The following RYR1 variants were observed in gnomAD, a reference collection of about 807,000 sequenced individuals.
RYR1 encodes ryanodine receptor 1.
Under a neutral mutation model 583.5 loss-of-function variants are expected in RYR1, and 342 were observed. The observed-to-expected ratio is 0.59, with a 90% CI of 0.54 to 0.64. The LOEUF (loss-of-function observed/expected upper bound fraction) is 0.64. Ranked by LOEUF, RYR1 falls within the 30% of genes least tolerant of loss-of-function variation. The pLI is 0.00. For synonymous variants in RYR1, 2,791 were observed against 2,822.5 expected (o/e 0.99, Z 0.35); for missense variants, 6,032 against 6,917.2 (o/e 0.87, Z 4.54).
At position 38,512,147 on chromosome 19, in the gene RYR1, A is replaced by C; in HGVS notation, c.9233+15A>C. The C allele has an allele frequency of 6.2e-7, 1 of 1,614,108 alleles. No individual in the cohort carries two copies. The highest frequency in any genetic ancestry group is 1.1e-5 in the South Asian group (1 of 91,084). Reference sequence around the variant, plus strand: ...CTGGATGCCAGGTAGGGCCATAGGCAGTGGCGCCCACTCCCACCATCATCG... The same window carrying C: ...CTGGATGCCAGGTAGGGCCATAGGCCGTGGCGCCCACTCCCACCATCATCG... On this transcript the variant is annotated intron_variant, in intron 62 of 105. Coordinates refer to ENST00000359596, the MANE Select transcript of RYR1 (RefSeq NM_000540.3). This position sits in a 1 kb window ranked among gnomAD's most constrained non-coding sequence, Gnocchi z 5.1.
intron 11 of RYR1, among the ~76,000 whole-genome samples, chr19:38,449,570 G>C (rs145971928): frequency 6.6e-6 from 1 of 152,212 alleles, no homozygotes; most frequent in Admixed American, 6.5e-5. Flanking sequence ...GAGTACCCGC[G>C]TTGTTCTGGT....
intron 91 of RYR1, 34 bp from the exon 92 acceptor site, chr19:38,566,877 G>A (rs1973462568): frequency 3.2e-6 from 5 of 1,585,608 alleles, no homozygotes; most frequent in Non-Finnish European, 4.3e-6. Context: ...CGCTTAGGGT[G>A]AGGACTCAGC....
chr19:38,541,379 A>T (rs1181679043), intron 84 of RYR1, among the ~76,000 whole-genome samples: 2 of 152,204 alleles, frequency 1.3e-5, no homozygotes, highest in African/African-American at 4.8e-5. Context: ...GAATAGGTGA[A>T]TATAATTTCA....
intron 18 of RYR1, among the ~76,000 whole-genome samples, 160 bp from the exon 19 acceptor site, chr19:38,458,986 C>T (rs1157225078): frequency 6.6e-6 from 1 of 152,188 alleles, no homozygotes; most frequent in Admixed American, 6.5e-5. Flanking sequence ...TGACCTCTGC[C>T]CTTCATTTCA....
At chr19:38,504,528 AAG>A (rs775693966) in intron 50 of RYR1, among the ~76,000 whole-genome samples, 168 bp downstream of exon 50, 1 of 151,902 alleles carries the variant, frequency 6.6e-6, no homozygotes, top group East Asian at 1.9e-4. Flanking sequence ...GAGGTTATGA[AAG>A]AGGGGGTGGA....
chr19:38,578,139 C>G lies in RYR1; in HGVS notation c.14304-5C>G. On this transcript the variant is annotated splice_region_variant and splice_polypyrimidine_tract_variant and intron_variant, in intron 98 of 105. Coordinates refer to ENST00000359596, the MANE Select transcript of RYR1 (RefSeq NM_000540.3). ...AAGCATCTCTCCCCACCCCCGCCCC[C>G]ACAGGCTCATGTCCATCGATGTCAA... 6.2e-7 allele frequency: 1 copy of G among 1,613,592 alleles called. No individual in the cohort carries two copies.
chr19:38,534,857 C>T (rs1971897107), intron 79 of RYR1, 38 bp downstream of exon 79: 1 of 1,577,456 alleles, frequency 6.3e-7, no homozygotes, highest in Non-Finnish European at 8.6e-7. Flanking sequence ...TCCGAGTGCA[C>T]TCATCCTAAC....
intron 24 of RYR1, 79 bp from the exon 25 acceptor site, chr19:38,467,531 C>T: frequency 1.4e-6 from 2 of 1,477,206 alleles, no homozygotes; most frequent in South Asian, 2.3e-5. Flanking sequence ...CCCCCAAAGC[C>T]TGTCTTCTAC....
chr19:38,508,109 GGAA>G (rs1970561967), intron 58 of RYR1, among the ~76,000 whole-genome samples: 1 of 152,166 alleles, frequency 6.6e-6, no homozygotes, highest in Admixed American at 6.5e-5. Flanking sequence ...CAGTGTTATG[GGAA>G]GAAGAAAACA....
chr19:38,463,146 C>CG lies in RYR1; in HGVS notation c.2578-277_2578-276insG, dbSNP rs1568457782. 6.5e-5 allele frequency among the ~76,000 whole-genome samples: 4 copies of CG among 61,520 alleles called. 1 individual carries two copies. Among genetic ancestry groups the CG allele is most frequent in the Non-Finnish European group, 1.8e-4 (4 of 22,780 alleles). The allele number at this position is 61,520 out of a possible 152,430, so 40.4% of individuals were successfully genotyped here. On this transcript the variant is annotated intron_variant, in intron 20 of 105. Transcript: ENST00000359596. ...CTCCTGACCTCAGGCGATCTGCCCC[C>CG]CCCCCCCCCACTTAGCCTCCCAAAG...
At chr19:38,495,951 T>C (rs1216854490) in intron 39 of RYR1, among the ~76,000 whole-genome samples, 1 of 151,982 alleles carries the variant, frequency 6.6e-6, no homozygotes, top group Non-Finnish European at 1.5e-5. Context: ...TTAGTAGAAA[T>C]GGGGTTTCAC....
chr19:38,448,451 G>C lies in RYR1; in HGVS notation c.897G>C (p.Val299=), dbSNP rs76854339. ...YLALTEDQGL[V]VVDASKAHTK... ...CGCTCACCGAGGACCAGGGCCTGGTGGTGGTTGACGCCAGCAAGGCTCACA... is the reference window on the plus strand; with the variant it reads ...CGCTCACCGAGGACCAGGGCCTGGTCGTGGTTGACGCCAGCAAGGCTCACA... The change falls in exon 10 of 106, where the codon GTG becomes GTC. Residue 299 remains valine (V), a synonymous_variant. Transcript: ENST00000359596. 1.3e-3 allele frequency: 2,065 copies of C among 1,613,854 alleles called. 26 individuals are homozygous for C. The African/African-American group carries it at 0.025, about 19-fold the overall frequency.
At chr19:38,526,486 G>C (rs1285175348) in intron 71 of RYR1, among the ~76,000 whole-genome samples, 1 of 151,854 alleles carries the variant, frequency 6.6e-6, no homozygotes, top group Non-Finnish European at 1.5e-5. Flanking sequence ...CAGGACGCCA[G>C]AGAGCCCTCC....
chr19:38,495,399 G>A (rs1262054529), intron 39 of RYR1, among the ~76,000 whole-genome samples: 4 of 152,164 alleles, frequency 2.6e-5, no homozygotes, highest in Non-Finnish European at 5.9e-5. Flanking sequence ...AGGCTAGAGT[G>A]CAGTGGCCCA....
chr19:38,512,244 G>C lies in RYR1; in HGVS notation c.9234-1G>C, dbSNP rs1970762402. 6.2e-7 allele frequency: 1 copy of C among 1,614,194 alleles called. No homozygotes were observed. Among genetic ancestry groups the C allele is most frequent in the East Asian group, 2.2e-5 (1 of 44,884 alleles). ...CTGATGTTCCCCCGCTGCCCTTCTAGGACAGTGATGAAGTCAGGCCCTGAG... is the reference window on the plus strand; with the variant it reads ...CTGATGTTCCCCCGCTGCCCTTCTACGACAGTGATGAAGTCAGGCCCTGAG... On this transcript the variant is annotated splice_acceptor_variant, in intron 62 of 105. Transcript: ENST00000359596. LOFTEE classifies it high-confidence loss of function. This position sits in a 1 kb window ranked among gnomAD's most constrained non-coding sequence, Gnocchi z 5.1.
In RYR1 at chr19:38,523,269, T is replaced by C; in HGVS notation, c.10400T>C (p.Met3467Thr). Residue 3467 changes from methionine to threonine, a missense_variant, in exon 69 of 106, where the codon ATG becomes ACG. This residue lies in a region of RYR1 where 1,493 missense variants were observed against 1,715.5 expected (regional missense o/e 0.87). Coordinates refer to ENST00000359596, the MANE Select transcript of RYR1 (RefSeq NM_000540.3). ...GTGGTCCAGAATGAGATCAACAACA[T>C]GTCCTTCCTGACTGCTGACAACAAA... ...NFVVQNEINN[M>T]SFLTADNKSK... 6.2e-7 allele frequency: 1 copy of C among 1,614,232 alleles called. No homozygotes were observed. The highest frequency in any genetic ancestry group is 8.5e-7 in the Non-Finnish European group (1 of 1,180,036).
At position 38,456,717 on chromosome 19, in the gene RYR1, T is replaced by G. The variant is rs185684085; in HGVS notation, c.1792-780T>G. On this transcript the variant is annotated intron_variant, in intron 16 of 105. Coordinates refer to ENST00000359596, the MANE Select transcript of RYR1 (RefSeq NM_000540.3). ...TATTTCTAACCACTTCACACATTTATTCAGTCGGAGCAAAAGTAATTGCAG... is the reference window on the plus strand; with the variant it reads ...TATTTCTAACCACTTCACACATTTAGTCAGTCGGAGCAAAAGTAATTGCAG... Among the ~76,000 whole-genome samples the G allele has an allele frequency of 1.3e-3, 197 of 152,006 alleles. 2 individuals carry two copies. The highest frequency in any genetic ancestry group is 8.5e-3 in the Admixed American group (129 of 15,228).
intron 89 of RYR1, among the ~76,000 whole-genome samples, chr19:38,560,729 CAAAA>C (rs765130460): frequency 1.1e-4 from 4 of 38,070 alleles, no homozygotes; most frequent in African/African-American, 3.6e-4. Flanking sequence ...AACTCCGTCT[CAAAA>C]AAAAAAAAAA....
chr19:38,586,061 C>G, intron 103 of RYR1, 30 bp from the exon 104 acceptor site: 1 of 1,613,906 alleles, frequency 6.2e-7, no homozygotes. Context: ...TCAAGTGGGC[C>G]TCCACTCTGA....
Sources: allele counts gnomAD v4.1 joint callset (sites outside exome capture counted in the v4.1 genomes callset), GRCh38; gene constraint gnomAD v4.1.1; regional missense constraint gnomAD v4.1.1; non-coding constraint Gnocchi (gnomAD v3.1); transcripts MANE v1.5; gene names NCBI Gene and HGNC (gene_info 2026-07-23, HGNC 2026-07-21).